ATP9B: variants seen among roughly 807,000 people sequenced by gnomAD.
The protein encoded by ATP9B is ATPase phospholipid transporting 9B.
ATP9B carries 110 observed loss-of-function variants against 146.1 expected under a neutral mutation model. The observed-to-expected ratio is 0.75, with a 90% CI of 0.65 to 0.88. The LOEUF is 0.88. ATP9B is among the 40% of genes least tolerant of loss of function. ATP9B has a pLI of 0.00. For synonymous variants in ATP9B, 604 were observed against 569.7 expected, an observed-to-expected ratio of 1.06 and a Z score of -0.86; for missense variants, 1,499 against 1,496.4, an observed-to-expected ratio of 1.00 and a Z score of -0.03.
chr18:79,226,391 C>CCTGCCTTT, intron 11 of ATP9B, among the ~76,000 whole-genome samples: 1 of 152,348 alleles, frequency 6.6e-6, no homozygotes, highest in South Asian at 2.1e-4. Context: ...CACAGCGCAT[C>CCTGCCTTT]CTGCCTTTCT....
intron 28 of ATP9B, 30 bp from the exon 29 acceptor site, chr18:79,375,364 T>G (rs1378356085): frequency 3.1e-6 from 5 of 1,590,198 alleles, no homozygotes; most frequent in Non-Finnish European, 4.3e-6. Flanking sequence ...TAATCTGTCC[T>G]TTATTTTCTT....
At chr18:79,348,330 TAAAAAC>T (rs2096903525) in intron 25 of ATP9B, 134 bp downstream of exon 25, 1 of 841,330 alleles carries the variant, frequency 1.2e-6, no homozygotes, top group African/African-American at 1.7e-5. Flanking sequence ...AATACTGATG[TAAAAAC>T]AACATTTTAC....
At chr18:79,287,428 G>C (rs1165254352) in intron 13 of ATP9B, among the ~76,000 whole-genome samples, 1 of 152,166 alleles carries the variant, frequency 6.6e-6, no homozygotes, top group Non-Finnish European at 1.5e-5. Flanking sequence ...AGTATTCTCT[G>C]ATGGTAGTTT....
intron 12 of ATP9B, among the ~76,000 whole-genome samples, chr18:79,262,540 T>G (rs1172840285): frequency 6.6e-6 from 1 of 152,216 alleles, no homozygotes; most frequent in African/African-American, 2.4e-5. Context: ...TTCACTTATT[T>G]GAACTCAGAA....
chr18:79,261,797 T>C (rs2096144646), intron 12 of ATP9B, among the ~76,000 whole-genome samples: 1 of 152,178 alleles, frequency 6.6e-6, no homozygotes, highest in African/African-American at 2.4e-5. Flanking sequence ...AGTTTCCCGA[T>C]ATTCAGGAAT....
At chr18:79,193,062 G>T in intron 8 of ATP9B, 121 bp from the exon 9 acceptor site, 1 of 745,532 alleles carries the variant, frequency 1.3e-6, no homozygotes, top group Non-Finnish European at 2.1e-6. Flanking sequence ...AAAAATCTAA[G>T]AAAATCAATG....
chr18:79,237,461 C>T (rs1019756982), intron 11 of ATP9B, among the ~76,000 whole-genome samples: 4 of 152,260 alleles, frequency 2.6e-5, no homozygotes, highest in Non-Finnish European at 5.9e-5. Flanking sequence ...TGTGATTGGT[C>T]TGCTGATCCC....
intron 8 of ATP9B, among the ~76,000 whole-genome samples, chr18:79,183,694 A>G (rs1384416505): frequency 4.0e-5 from 6 of 150,776 alleles, no homozygotes; most frequent in Admixed American, 3.3e-4. Context: ...ACTCATGATT[A>G]TATTTTAAAT....
At chr18:79,270,658 G>T (rs1349654688) in intron 12 of ATP9B, among the ~76,000 whole-genome samples, 1 of 151,562 alleles carries the variant, frequency 6.6e-6, no homozygotes, top group Non-Finnish European at 1.5e-5. Flanking sequence ...AGCAATGATG[G>T]CTCTCCTTTG....
chr18:79,330,602 A>T (rs1387990840), intron 17 of ATP9B, among the ~76,000 whole-genome samples: 1 of 152,098 alleles, frequency 6.6e-6, no homozygotes, highest in East Asian at 1.9e-4. Flanking sequence ...TTTAGTAGAG[A>T]CAGGGTTTCA....
chr18:79,307,086 A>G lies in ATP9B; in HGVS notation c.1625A>G (p.His542Arg), dbSNP rs1331191402. 8 of 1,614,126 alleles carry G rather than the reference A, an allele frequency of 5.0e-6. No individual in the cohort carries two copies. The highest frequency in any genetic ancestry group is 1.3e-5 in the African/African-American group (1 of 74,938). ...AGGAAAAGTGTCAGTAGTCGAATCC[A>G]TGAAGCCGTGAAAGCCATCGTGCTG... is the stretch of plus-strand genomic sequence containing the variant. ...KVRKSVSSRIHEAVKAIVLCH... is the reference protein window; with the variant it reads ...KVRKSVSSRIREAVKAIVLCH... The change falls in exon 15 of 30, where the codon CAT (histidine) becomes CGT (arginine). Residue 542 changes from histidine to arginine, a missense_variant. His to Arg is a conservative substitution (Grantham distance 29). Coordinates refer to ENST00000426216, the MANE Select transcript of ATP9B (RefSeq NM_198531.5).
At chr18:79,293,811 G>A (rs1039999906) in intron 13 of ATP9B, among the ~76,000 whole-genome samples, 1 of 152,110 alleles carries the variant, frequency 6.6e-6, no homozygotes, top group African/African-American at 2.4e-5. Context: ...AGGAAAAATA[G>A]TTCAAACCTA....
chr18:79,099,586 G>C (rs1417833536), intron 2 of ATP9B, among the ~76,000 whole-genome samples: 1 of 151,996 alleles, frequency 6.6e-6, no homozygotes, highest in African/African-American at 2.4e-5. Context: ...TAACTATGTT[G>C]CTTGATTTCC....
At chr18:79,296,437 T>A (rs1451036005) in intron 13 of ATP9B, among the ~76,000 whole-genome samples, 1 of 152,256 alleles carries the variant, frequency 6.6e-6, no homozygotes, top group Non-Finnish European at 1.5e-5. Flanking sequence ...ATCTGCATGT[T>A]GCCAAACCTG....
chr18:79,162,937 A>G (rs1458863894), intron 7 of ATP9B, among the ~76,000 whole-genome samples: 1 of 152,218 alleles, frequency 6.6e-6, no homozygotes, highest in African/African-American at 2.4e-5. Context: ...TATGTGACAC[A>G]TACACGAGTT....
intron 26 of ATP9B, chr18:79,361,025 A>G (rs1239155395): frequency 6.6e-6 from 1 of 152,258 alleles, no homozygotes; most frequent in South Asian, 2.1e-4. Context: ...CCTTACAAAC[A>G]TACGGGAACA....
intron 4 of ATP9B, among the ~76,000 whole-genome samples, chr18:79,123,592 T>C (rs1469518101): frequency 6.6e-6 from 1 of 151,834 alleles, no homozygotes; most frequent in Non-Finnish European, 1.5e-5. Context: ...CATATGAAAA[T>C]GCAAAGGGCT....
intron 17 of ATP9B, among the ~76,000 whole-genome samples, chr18:79,331,601 A>C (rs754780440): frequency 4.6e-5 from 7 of 152,102 alleles, no homozygotes; most frequent in Admixed American, 3.3e-4. Flanking sequence ...AAAGCCTTTC[A>C]TTTTATTAAA....
chr18:79,140,744 CACT>C (rs1277358991), intron 5 of ATP9B, among the ~76,000 whole-genome samples: 1 of 152,154 alleles, frequency 6.6e-6, no homozygotes, highest in Non-Finnish European at 1.5e-5. Flanking sequence ...CGCACCACTG[CACT>C]CCAGCCTGGG....
Sources: gnomAD v4.1 joint callset for allele counts (sites outside exome capture counted in the v4.1 genomes callset) on GRCh38, gnomAD v4.1.1 for gene constraint, MANE v1.5 for transcripts, NCBI Gene and HGNC (gene_info 2026-07-23, HGNC 2026-07-21) for gene names.